The following VPS35L variants were observed in gnomAD, a reference collection of about 807,000 sequenced individuals.
The protein encoded by VPS35L is VPS35 endosomal protein sorting factor like.
Under a neutral mutation model 133.0 loss-of-function variants are expected in VPS35L, and 83 were observed. The ratio of observed to expected loss-of-function variants is 0.62; its 90% CI spans 0.52 to 0.75. The LOEUF is 0.75. VPS35L is among the 30% of genes least tolerant of loss of function. The pLI, the probability that VPS35L is intolerant of heterozygous loss-of-function variation, is 0.00. For missense variants in VPS35L, 1,083 were observed against 1,206.8 expected (o/e 0.90, Z 1.52); for synonymous variants, 423 against 449.9 (o/e 0.94, Z 0.76).
intron 21 of VPS35L, among the ~76,000 whole-genome samples, chr16:19,642,158 T>C (rs193258806): frequency 6.5e-4 from 99 of 152,268 alleles, no homozygotes; most frequent in African/African-American, 2.4e-3. Context: ...TGCAGTGAGC[T>C]GAGGTCACAT....
chr16:19,597,409 A>G (rs1972251613), intron 8 of VPS35L, among the ~76,000 whole-genome samples: 1 of 151,910 alleles, frequency 6.6e-6, no homozygotes. Flanking sequence ...TGTAGACTAC[A>G]TGTTGGTATT....
At chr16:19,627,374 T>C (rs1051814719) in intron 15 of VPS35L, among the ~76,000 whole-genome samples, 1 of 152,186 alleles carries the variant, frequency 6.6e-6, no homozygotes, top group Non-Finnish European at 1.5e-5. Context: ...ATGTTCTGTC[T>C]CATTAGTGCA....
rs1976048583 is a variant in VPS35L at position 19,699,739 on chromosome 16, C to T, written c.2793+91C>T. On this transcript the variant is annotated intron_variant, in intron 30 of 30. Transcript: ENST00000417362. This position sits in a 1 kb window ranked among gnomAD's most constrained non-coding sequence, Gnocchi z 4.2. Reference sequence around the variant, plus strand: ...CATTGTGGCCTGGACATCAGACAGACAACCCCATACTCCCCTTTTAGAAAA... The same window carrying T: ...CATTGTGGCCTGGACATCAGACAGATAACCCCATACTCCCCTTTTAGAAAA... The T allele has an allele frequency of 4.0e-6, 6 of 1,502,404 alleles. No individual in the cohort carries two copies. The highest frequency in any genetic ancestry group is 1.4e-5 in the African/African-American group (1 of 72,654). 93.1% of individuals were successfully genotyped at this position (1,502,404 alleles called of 1,614,324 possible).
At chr16:19,652,418 C>A (rs977893256) in intron 26 of VPS35L, 1 of 206,922 alleles carries the variant, frequency 4.8e-6, no homozygotes, top group African/African-American at 2.3e-5. Flanking sequence ...GTTCCTGCTT[C>A]CCACCTGGGC....
chr16:19,655,771 G>T (rs1318009317), intron 26 of VPS35L, among the ~76,000 whole-genome samples: 1 of 152,180 alleles, frequency 6.6e-6, no homozygotes, highest in Non-Finnish European at 1.5e-5. Context: ...AGATTTGGTC[G>T]ATCAGATGCT....
intron 29 of VPS35L, among the ~76,000 whole-genome samples, chr16:19,691,711 A>C (rs1597443145): frequency 6.6e-6 from 1 of 151,180 alleles, no homozygotes. Flanking sequence ...AGCTCAAAGG[A>C]CCTCCTCAGG....
chr16:19,679,386 A>C (rs1031019640), intron 27 of VPS35L, among the ~76,000 whole-genome samples: 2 of 147,708 alleles, frequency 1.4e-5, no homozygotes, highest in Non-Finnish European at 3.0e-5. Flanking sequence ...AGCTGAGACC[A>C]CAGGTGCACA....
rs1438330323 is a variant in VPS35L at position 19,573,180 on chromosome 16, C to G, written c.347C>G (p.Pro116Arg). The G allele has an allele frequency of 1.4e-5, 22 of 1,613,858 alleles. No individual in the cohort carries two copies. Among genetic ancestry groups the G allele is most frequent in the Non-Finnish European group, 1.8e-5 (21 of 1,179,934 alleles). The change falls in exon 4 of 31, where the codon CCT becomes CGT. Residue 116 changes from proline to arginine, a missense_variant. By Grantham distance (103) the Pro-to-Arg change is moderately radical. Transcript: ENST00000417362. ...TCCGTTGTAGGATCGGATTTTGAGC[C>G]TTGGACCAACAAACGGGGAGAAATC... Reference protein sequence around the residue: ...DNSVVGSDFEPWTNKRGEILA... With the variant: ...DNSVVGSDFERWTNKRGEILA...
chr16:19,698,571 G>A (rs1975998348), intron 29 of VPS35L, among the ~76,000 whole-genome samples: 1 of 152,172 alleles, frequency 6.6e-6, no homozygotes. Context: ...GGGCGGTTAG[G>A]AGTGTACCTG....
At position 19,608,280 on chromosome 16, in the gene VPS35L, C is replaced by CA; in HGVS notation, c.881+6_881+7insA. The CA allele has an allele frequency of 7.2e-7, 1 of 1,386,676 alleles. No homozygotes were observed. The highest frequency in any genetic ancestry group is 2.3e-5 in the East Asian group (1 of 42,650). 85.9% of individuals were successfully genotyped at this position (1,386,676 alleles called of 1,614,324 possible). On this transcript the variant is annotated splice_region_variant and intron_variant, in intron 10 of 30. Transcript: ENST00000417362. Reference sequence around the variant, plus strand: ...AGGGAACTCATTCCAAGATTGTATCCTTTTTTTTTTTTTTGGTCTGATGAT... The same window carrying CA: ...AGGGAACTCATTCCAAGATTGTATCCATTTTTTTTTTTTTTGGTCTGATGAT...
chr16:19,594,657 AAAAAAAAAAAAAAAG>A (rs1422106447), intron 8 of VPS35L, among the ~76,000 whole-genome samples: 13 of 149,928 alleles, frequency 8.7e-5, no homozygotes, highest in Non-Finnish European at 1.8e-4. Flanking sequence ...AAAAAAAAAA[AAAAAAAAAAAAAAAG>A]AAGAGAAAAA....
At chr16:19,597,193 A>G (rs1597343598) in intron 8 of VPS35L, among the ~76,000 whole-genome samples, 1 of 151,778 alleles carries the variant, frequency 6.6e-6, no homozygotes, top group Non-Finnish European at 1.5e-5. Flanking sequence ...GCATAGCAAA[A>G]CCCCATCTCT....
At position 19,573,136 on chromosome 16, in the gene VPS35L, A is replaced by G. The variant is rs1322678252; in HGVS notation, c.303A>G (p.Lys101=). ...LAAAMDSSRR[K]RDRDDNSVVG... ...TTCTTTAGGACAGCTCCAGAAGGAA[A>G]CGTGATAGAGATGATAACTCCGTTG... The change falls in exon 4 of 31, where the codon AAA becomes AAG. Residue 101 remains lysine (K), a synonymous_variant. Coordinates refer to ENST00000417362, the MANE Select transcript of VPS35L (RefSeq NM_020314.7). The G allele has an allele frequency of 6.2e-7, 1 of 1,613,752 alleles. No individual in the cohort carries two copies. Among genetic ancestry groups the G allele is most frequent in the Non-Finnish European group, 8.5e-7 (1 of 1,179,806 alleles).
At chr16:19,636,859 A>G (rs1419779575) in intron 19 of VPS35L, among the ~76,000 whole-genome samples, 2 of 152,176 alleles carry the variant, frequency 1.3e-5, no homozygotes, top group African/African-American at 4.8e-5. Flanking sequence ...GGCGGTAACC[A>G]TCAGTATCTG....
At chr16:19,569,193 A>T in intron 2 of VPS35L, 1 of 687,586 alleles carries the variant, frequency 1.5e-6, no homozygotes, top group Non-Finnish European at 2.6e-6. Context: ...CTCTCAATTA[A>T]TTTTTTTAAC....
At chr16:19,590,158 C>A in intron 7 of VPS35L, among the ~76,000 whole-genome samples, 1 of 97,040 alleles carries the variant, frequency 1.0e-5, no homozygotes, top group East Asian at 3.6e-4. Flanking sequence ...CCCCCCCCCA[C>A]AAATAACATT....
At chr16:19,588,034 G>A (rs1258440739) in intron 7 of VPS35L, among the ~76,000 whole-genome samples, 1 of 151,028 alleles carries the variant, frequency 6.6e-6, no homozygotes, top group African/African-American at 2.4e-5. Flanking sequence ...TCCTGACCTC[G>A]AGTGATCCAC....
rs923549445 is a variant in VPS35L, at chr16:19,672,613, A to G, written c.2361+3314A>G. On this transcript the variant is annotated intron_variant, in intron 27 of 30. Coordinates refer to ENST00000417362, the MANE Select transcript of VPS35L (RefSeq NM_020314.7). ...GAGGCCAGGCTCAAGGACTGCAGAC[A>G]TGGCTTCAGGATGGGGGCCTCTTGT... Among the ~76,000 whole-genome samples, 3 of 152,326 alleles carry G rather than the reference A, an allele frequency of 2.0e-5. No individual in the cohort carries two copies. In the East Asian group the frequency reaches 5.8e-4, roughly 29 times the overall value.
At chr16:19,582,703 C>T (rs979600595) in intron 7 of VPS35L, among the ~76,000 whole-genome samples, 1 of 152,200 alleles carries the variant, frequency 6.6e-6, no homozygotes, top group Middle Eastern at 3.2e-3. Flanking sequence ...GGCAGCATCT[C>T]TCCGTAGATT....
Sources: gnomAD v4.1 joint callset for allele counts (sites outside exome capture counted in the v4.1 genomes callset) on GRCh38, gnomAD v4.1.1 for gene constraint, Gnocchi (gnomAD v3.1) non-coding constraint, MANE v1.5 for transcripts, NCBI Gene and HGNC (gene_info 2026-07-23, HGNC 2026-07-21) for gene names.